TMEM127: variants seen among roughly 807,000 people sequenced by gnomAD.
The protein encoded by TMEM127 is transmembrane protein 127.
Under a neutral mutation model 20.1 loss-of-function variants are expected in TMEM127, and 21 were observed. The observed-to-expected ratio is 1.04, with a 90% CI of 0.74 to 1.50. TMEM127 has a LOEUF of 1.50. Ranked by LOEUF, TMEM127 falls within the 40% of genes most tolerant of loss-of-function variation. The pLI, the probability that TMEM127 is intolerant of heterozygous loss-of-function variation, is 0.00. For missense variants in TMEM127, 303 were observed against 317.4 expected, an observed-to-expected ratio of 0.95 and a Z score of 0.34; for synonymous variants, 150 against 144.7, an observed-to-expected ratio of 1.04 and a Z score of -0.26.
chr2:96,255,715 T>G (rs1188425382), intron 2 of TMEM127, among the ~76,000 whole-genome samples: 1 of 152,042 alleles, frequency 6.6e-6, no homozygotes, highest in East Asian at 1.9e-4. Flanking sequence ...ACTCAACACT[T>G]AAAATGGTTA....
At chr2:96,262,533 C>G (rs1399774521) in intron 2 of TMEM127, among the ~76,000 whole-genome samples, 1 of 152,250 alleles carries the variant, frequency 6.6e-6, no homozygotes, top group Non-Finnish European at 1.5e-5. Flanking sequence ...ACTGCCAACT[C>G]TCCTATTAAT....
chr2:96,262,490 T>C (rs1558755476), intron 2 of TMEM127, among the ~76,000 whole-genome samples: 2 of 152,166 alleles, frequency 1.3e-5, no homozygotes, highest in Non-Finnish European at 2.9e-5. Flanking sequence ...CCGGATTCCT[T>C]ACTGATTCTT....
chr2:96,255,108 T>C, intron 2 of TMEM127, 111 bp from the exon 3 acceptor site: 1 of 1,466,816 alleles, frequency 6.8e-7, no homozygotes, highest in Non-Finnish European at 9.4e-7. Context: ...GCCAGGGCAG[T>C]TCTGGAGGAC....
In TMEM127 at chr2:96,254,127, AG is replaced by A. The variant is rs1558752003; in HGVS notation, c.410-13del. On this transcript the variant is annotated splice_polypyrimidine_tract_variant and intron_variant, in intron 3 of 3. Transcript: ENST00000258439. ...GGCACACTGCAGAACTAGGAGACAG[AG>A]GGACAGCACAGAAGGGGAATTAGTG... The A allele has an allele frequency of 6.2e-7, 1 of 1,613,284 alleles. No homozygotes were observed. Among genetic ancestry groups the A allele is most frequent in the Non-Finnish European group, 8.5e-7 (1 of 1,180,020 alleles).
At position 96,249,378 on chromosome 2, in the gene TMEM127, G is replaced by A. The variant is rs1380988509; in HGVS notation, c.*4430C>T. 5 of 216,554 alleles carry A rather than the reference G, an allele frequency of 2.3e-5. No individual in the cohort carries two copies. Among genetic ancestry groups the A allele is most frequent in the African/African-American group, 4.5e-5 (2 of 44,442 alleles). 13.4% of individuals were successfully genotyped at this position (216,554 alleles called of 1,614,324 possible). A position where few individuals can be genotyped will look rare whatever the true frequency, so the allele number is the denominator to read the frequency against. On this transcript the variant is annotated 3_prime_UTR_variant, in exon 4 of 4. Coordinates refer to ENST00000258439, the MANE Select transcript of TMEM127 (RefSeq NM_017849.4). ...CCCAAAGTGCTGGGATAATAGGCGT[G>A]AGCCACCGCACCCGGCCAGAACTGA...
intron 1 of TMEM127, 42 bp downstream of exon 1, chr2:96,265,827 T>C (rs1684411809): frequency 5.6e-6 from 1 of 179,996 alleles, no homozygotes; most frequent in African/African-American, 2.4e-5. Flanking sequence ...GTGCGACCTG[T>C]GCGCAGAAAA....
Position 96,265,366 on chromosome 2 carries a change from C to G in TMEM127, c.16G>C (p.Gly6Arg). The G allele has an allele frequency of 6.8e-7, 1 of 1,471,364 alleles. No homozygotes were observed. Among genetic ancestry groups the G allele is most frequent in the Non-Finnish European group, 8.9e-7 (1 of 1,118,388 alleles). 91.1% of individuals were successfully genotyped at this position (1,471,364 alleles called of 1,614,324 possible). A position where few individuals can be genotyped will look rare whatever the true frequency, so the allele number is the denominator to read the frequency against. The stretch of plus-strand genomic sequence containing the variant: ...CGGCGCCCGCCGGGCAGCCCTGCGC[C>G]TCCGGGGGCGTACATGCCCGGGGCC... The part of the protein sequence containing the change: MYAPG[G>R]AGLPGGRRRR... Residue 6 changes from glycine to arginine, a missense_variant, in exon 2 of 4, where the codon GGC becomes CGC. By Grantham distance (125) the Gly-to-Arg change is moderately radical. Coordinates refer to ENST00000258439, the MANE Select transcript of TMEM127 (RefSeq NM_017849.4).
At position 96,253,420 on chromosome 2, in the gene TMEM127, A is replaced by G; in HGVS notation, c.*388T>C. On this transcript the variant is annotated 3_prime_UTR_variant, in exon 4 of 4. Transcript: ENST00000258439. The surrounding 1 kb of genome is among the most constrained non-coding windows in gnomAD (Gnocchi z 4.3). Reference sequence around the variant, plus strand: ...TCCCTGTGAAGTGAGCCTCCAGGGCACAGTCCCCTTTCCCTTGGGCCCTTT... The same window carrying G: ...TCCCTGTGAAGTGAGCCTCCAGGGCGCAGTCCCCTTTCCCTTGGGCCCTTT... 1 of 301,670 alleles carries G rather than the reference A, an allele frequency of 3.3e-6. No homozygotes were observed. The highest frequency in any genetic ancestry group is 6.3e-6 in the Non-Finnish European group (1 of 159,062). 18.7% of individuals were successfully genotyped at this position (301,670 alleles called of 1,614,324 possible). A position where few individuals can be genotyped will look rare whatever the true frequency, so the allele number is the denominator to read the frequency against.
rs1684401439 is a variant in TMEM127, at chr2:96,265,448, G to A, written c.-67C>T. On this transcript the variant is annotated 5_prime_UTR_variant, in exon 2 of 4. Transcript: ENST00000258439. ...GCCGCCGACCTCCGCGGGGCGCGCA[G>A]AGCCTGACAGTCCGGTGGAGGATAG... The A allele has an allele frequency of 2.3e-6, 3 of 1,301,936 alleles. No homozygotes were observed. Among genetic ancestry groups the A allele is most frequent in the Non-Finnish European group, 2.9e-6 (3 of 1,032,816 alleles). The allele number at this position is 1,301,936 out of a possible 1,614,324, so 80.6% of individuals were successfully genotyped here.
At chr2:96,257,509 G>C (rs1263888478) in intron 2 of TMEM127, among the ~76,000 whole-genome samples, 1 of 152,120 alleles carries the variant, frequency 6.6e-6, no homozygotes, top group Non-Finnish European at 1.5e-5. Context: ...GATACTGTCT[G>C]TCTCCTTTGA....
At chr2:96,264,526 GGAC>G (rs1184293888) in intron 2 of TMEM127, among the ~76,000 whole-genome samples, 38 of 152,204 alleles carry the variant, frequency 2.5e-4, no homozygotes, top group African/African-American at 8.4e-4. Context: ...GGGGCCCATA[GGAC>G]CCTCCCATCG....
chr2:96,259,985 T>C (rs1000601296), intron 2 of TMEM127, among the ~76,000 whole-genome samples: 10 of 152,236 alleles, frequency 6.6e-5, no homozygotes, highest in African/African-American at 2.4e-4. Context: ...ACTAAGGGCC[T>C]ACCCTACAAG....
rs3770239 is a variant in TMEM127, at chr2:96,252,507, A to G, written c.*1301T>C. 0.023 allele frequency: 5,325 copies of G among 233,862 alleles called. 419 individuals are homozygous for G. Among genetic ancestry groups the G allele is most frequent in the East Asian group, 0.2 (3,254 of 16,584 alleles). 14.5% of individuals were successfully genotyped at this position (233,862 alleles called of 1,614,324 possible). A position where few individuals can be genotyped will look rare whatever the true frequency, so the allele number is the denominator to read the frequency against. ...GTGACCAGAGTGATGGCTGAGCAAG[A>G]AAGTCCCAGCAGCACACTGCAAGAC... On this transcript the variant is annotated 3_prime_UTR_variant, in exon 4 of 4. Coordinates refer to ENST00000258439, the MANE Select transcript of TMEM127 (RefSeq NM_017849.4). The surrounding 1 kb of genome is among the most constrained non-coding windows in gnomAD (Gnocchi z 4.2).
At chr2:96,256,902 G>C (rs749208501) in intron 2 of TMEM127, among the ~76,000 whole-genome samples, 10 of 152,212 alleles carry the variant, frequency 6.6e-5, no homozygotes, top group Admixed American at 2.6e-4. Context: ...AGACTCGGCA[G>C]AGCTGGGGAC....
At chr2:96,263,816 T>G (rs1281297923) in intron 2 of TMEM127, among the ~76,000 whole-genome samples, 1 of 151,790 alleles carries the variant, frequency 6.6e-6, no homozygotes, top group East Asian at 1.9e-4. Flanking sequence ...GGTCTAGTGG[T>G]GGGAAGGTGG....
At chr2:96,259,947 C>T (rs1039517710) in intron 2 of TMEM127, among the ~76,000 whole-genome samples, 3 of 152,180 alleles carry the variant, frequency 2.0e-5, no homozygotes, top group Non-Finnish European at 2.9e-5. Context: ...CACGTCAGCC[C>T]GTGTGGACCA....
chr2:96,255,383 G>A (rs1310728746), intron 2 of TMEM127, among the ~76,000 whole-genome samples: 1 of 152,246 alleles, frequency 6.6e-6, no homozygotes, highest in Non-Finnish European at 1.5e-5. Context: ...GACAGCCAGA[G>A]AGGCTAAGAC....
rs1573977543 is a variant in TMEM127 at position 96,265,131 on chromosome 2, C to A, written c.244+7G>T. ...AGGCTTTAAGGGCCAGCGCGCAGCA[C>A]CCTCACCTTTCAGCAGGTCCGGGTG... On this transcript the variant is annotated splice_region_variant and intron_variant, in intron 2 of 3. Coordinates refer to ENST00000258439, the MANE Select transcript of TMEM127 (RefSeq NM_017849.4). 1 of 1,612,282 alleles carries A rather than the reference C, an allele frequency of 6.2e-7. No individual in the cohort carries two copies. The highest frequency in any genetic ancestry group is 8.5e-7 in the Non-Finnish European group (1 of 1,179,824).
chr2:96,253,775 G>C lies in TMEM127; in HGVS notation c.*33C>G. On this transcript the variant is annotated 3_prime_UTR_variant, in exon 4 of 4. Coordinates refer to ENST00000258439, the MANE Select transcript of TMEM127 (RefSeq NM_017849.4). This position sits in a 1 kb window ranked among gnomAD's most constrained non-coding sequence, Gnocchi z 4.3. Reference sequence around the variant, plus strand: ...CGAGAGGAGCTGCAGAGTTGAGGGAGGGGCTGCCGAGGAAGAGAGCCCAGG... The same window carrying C: ...CGAGAGGAGCTGCAGAGTTGAGGGACGGGCTGCCGAGGAAGAGAGCCCAGG... 6.3e-7 allele frequency: 1 copy of C among 1,587,360 alleles called. No individual in the cohort carries two copies. The highest frequency in any genetic ancestry group is 8.6e-7 in the Non-Finnish European group (1 of 1,163,394).
Sources: allele counts gnomAD v4.1 joint callset (sites outside exome capture counted in the v4.1 genomes callset), GRCh38; gene constraint gnomAD v4.1.1; non-coding constraint Gnocchi (gnomAD v3.1); transcripts MANE v1.5; gene names NCBI Gene and HGNC (gene_info 2026-07-23, HGNC 2026-07-21).